ZRANB3: variants seen among roughly 807,000 people sequenced by gnomAD.
ZRANB3 encodes zinc finger RANBP2-type containing 3, also known as DNA annealing helicase and endonuclease ZRANB3.
ZRANB3 carries 125 observed loss-of-function variants against 133.8 expected under a neutral mutation model. The observed-to-expected ratio is 0.93, with a 90% CI of 0.81 to 1.08. The LOEUF (loss-of-function observed/expected upper bound fraction) is 1.08. Among genes scored for constraint, ZRANB3 ranks in the 50% least tolerant of loss-of-function variants. The pLI is 0.00. For missense variants in ZRANB3, 1,229 were observed against 1,275.5 expected, an observed-to-expected ratio of 0.96 and a Z score of 0.56; for synonymous variants, 387 against 432.7, an observed-to-expected ratio of 0.89 and a Z score of 1.31.
intron 2 of ZRANB3, among the ~76,000 whole-genome samples, chr2:135,482,673 G>C (rs997392490): frequency 7.9e-5 from 12 of 152,204 alleles, no homozygotes; most frequent in African/African-American, 2.9e-4. Flanking sequence ...AATGGTGAGA[G>C]AGGGCATCCC....
At chr2:135,222,608 T>C (rs1243258116) in intron 15 of ZRANB3, among the ~76,000 whole-genome samples, 1 of 152,054 alleles carries the variant, frequency 6.6e-6, no homozygotes, top group Non-Finnish European at 1.5e-5. Flanking sequence ...TGAAATGCTA[T>C]CTCAACAAAC....
At chr2:135,365,080 T>C (rs927408170) in intron 3 of ZRANB3, among the ~76,000 whole-genome samples, 5 of 150,662 alleles carry the variant, frequency 3.3e-5, no homozygotes, top group African/African-American at 1.2e-4. Flanking sequence ...TAAAAATAAA[T>C]AATAAATAAA....
At chr2:135,247,338 T>C (rs1377191500) in intron 12 of ZRANB3, among the ~76,000 whole-genome samples, 1 of 152,176 alleles carries the variant, frequency 6.6e-6, no homozygotes, top group East Asian at 1.9e-4. Context: ...ATTTAAATTA[T>C]TCTAAGAAAG....
chr2:135,278,008 T>A (rs926677511), intron 8 of ZRANB3, among the ~76,000 whole-genome samples: 1 of 149,066 alleles, frequency 6.7e-6, no homozygotes, highest in East Asian at 1.9e-4. Flanking sequence ...TATGAAAATA[T>A]ATGAATAATA....
At chr2:135,512,399 C>T (rs1008902681) in intron 1 of ZRANB3, among the ~76,000 whole-genome samples, 4 of 150,516 alleles carry the variant, frequency 2.7e-5, no homozygotes, top group Admixed American at 6.6e-5. Context: ...AAGTAAATGG[C>T]GGGTCAGGAC....
chr2:135,522,596 T>G (rs915788965), intron 1 of ZRANB3, among the ~76,000 whole-genome samples: 1 of 152,046 alleles, frequency 6.6e-6, no homozygotes, highest in African/African-American at 2.4e-5. Flanking sequence ...GGTCAGGAGT[T>G]CAAGACCAGC....
chr2:135,262,159 C>CAAAAAAAAAAAA (rs755264566), intron 12 of ZRANB3, among the ~76,000 whole-genome samples: 3 of 63,960 alleles, frequency 4.7e-5, no homozygotes, highest in East Asian at 3.9e-4. Context: ...ACTCCATCTC[C>CAAAAAAAAAAAA]AAAAAAAAAA....
chr2:135,287,852 C>T (rs1355286087), intron 8 of ZRANB3, among the ~76,000 whole-genome samples: 1 of 151,940 alleles, frequency 6.6e-6, no homozygotes, highest in Non-Finnish European at 1.5e-5. Context: ...TTAGGGTTTT[C>T]TGGGTATACG....
At chr2:135,294,015 T>G (rs1681900782) in intron 8 of ZRANB3, among the ~76,000 whole-genome samples, 2 of 152,286 alleles carry the variant, frequency 1.3e-5, no homozygotes, top group South Asian at 4.2e-4. Context: ...TTATTGAGGA[T>G]TTTTGCATCA....
intron 8 of ZRANB3, among the ~76,000 whole-genome samples, chr2:135,302,922 C>T (rs1682506522): frequency 6.6e-6 from 1 of 151,838 alleles, no homozygotes; most frequent in African/African-American, 2.4e-5. Context: ...GTATTATATA[C>T]AAAGAAAGCT....
Position 135,230,493 on chromosome 2 carries a change from G to A in ZRANB3, c.1954+20C>T, listed in dbSNP as rs1694951481. 2 of 1,471,604 alleles carry A rather than the reference G, an allele frequency of 1.4e-6. No individual in the cohort carries two copies. Among genetic ancestry groups the A allele is most frequent in the East Asian group, 2.4e-5 (1 of 41,934 alleles). The allele number at this position is 1,471,604 out of a possible 1,614,324, so 91.2% of individuals were successfully genotyped here. On this transcript the variant is annotated intron_variant, in intron 13 of 20. Transcript: ENST00000264159. The stretch of plus-strand genomic sequence containing the variant: ...ACCACTAACAGCCCTTACCTCCATG[G>A]TCACCTTCTATATACTCACCAGCAC...
At position 135,227,871 on chromosome 2, in the gene ZRANB3, C is replaced by T; in HGVS notation, c.2099G>A (p.Ser700Asn). 2 of 1,575,060 alleles carry T rather than the reference C, an allele frequency of 1.3e-6. No homozygotes were observed. The highest frequency in any genetic ancestry group is 1.7e-4 in the Middle Eastern group (1 of 6,018). Residue 700 changes from serine to asparagine, a missense_variant, in exon 14 of 21, where the codon AGC becomes AAC. Ser to Asn is a conservative substitution (Grantham distance 46, BLOSUM62 1). Transcript: ENST00000264159. ...CTCAATTTTTGGTGTTTCTTCCTTGCTGTCAGCCAACTGGCCAGGTTCTGA... is the reference window on the plus strand; with the variant it reads ...CTCAATTTTTGGTGTTTCTTCCTTGTTGTCAGCCAACTGGCCAGGTTCTGA... ...AQSEPGQLAD[S>N]KEETPKIEKE...
chr2:135,444,988 T>C (rs567073666), intron 2 of ZRANB3, among the ~76,000 whole-genome samples: 2 of 152,264 alleles, frequency 1.3e-5, no homozygotes, highest in African/African-American at 4.8e-5. Context: ...TTTGGTGTTA[T>C]GGTTAGCATG....
chr2:135,446,145 G>A (rs1215151796), intron 2 of ZRANB3, among the ~76,000 whole-genome samples: 1 of 151,426 alleles, frequency 6.6e-6, no homozygotes. Flanking sequence ...GGCAGAGGTT[G>A]CAGTGAGCTG....
chr2:135,455,784 C>T lies in ZRANB3; in HGVS notation c.161+48545G>A, dbSNP rs190729939. On this transcript the variant is annotated intron_variant, in intron 2 of 20. Coordinates refer to ENST00000264159, the MANE Select transcript of ZRANB3 (RefSeq NM_032143.4). ...TTTCTTTTTGAATTTTTAGTAGAGA[C>T]GGGGTTTCACCGTGTTAGCCAGGAT... 2.6e-3 allele frequency among the ~76,000 whole-genome samples: 390 copies of T among 151,250 alleles called. 2 individuals are homozygous for T. The highest frequency in any genetic ancestry group is 8.9e-3 in the African/African-American group (366 of 41,214).
chr2:135,205,114 T>G lies in ZRANB3; in HGVS notation c.3010-2151A>C, dbSNP rs995669170. On this transcript the variant is annotated intron_variant, in intron 19 of 20. Coordinates refer to ENST00000264159, the MANE Select transcript of ZRANB3 (RefSeq NM_032143.4). Reference sequence around the variant, plus strand: ...CTCTCAGAGACATGCTAATTCATCTTTGCAGAAATGCCGATTAATTCATTC... The same window carrying G: ...CTCTCAGAGACATGCTAATTCATCTGTGCAGAAATGCCGATTAATTCATTC... 1.1e-3 allele frequency among the ~76,000 whole-genome samples: 165 copies of G among 152,286 alleles called. 1 individual carries two copies. The highest frequency in any genetic ancestry group is 3.9e-3 in the African/African-American group (160 of 41,552).
At chr2:135,507,321 T>C (rs1162925768) in intron 1 of ZRANB3, among the ~76,000 whole-genome samples, 1 of 152,188 alleles carries the variant, frequency 6.6e-6, no homozygotes, top group Admixed American at 6.5e-5. Flanking sequence ...CTTGAAAATA[T>C]ATGAGTCTGA....
At position 135,511,953 on chromosome 2, in the gene ZRANB3, C is replaced by A; in HGVS notation, c.-7-7457G>T. 3 of 739,606 alleles carry A rather than the reference C, an allele frequency of 4.1e-6. No homozygotes were observed. The South Asian group carries it at 4.3e-5, about 11-fold the overall frequency. The allele number at this position is 739,606 out of a possible 1,614,324, so 45.8% of individuals were successfully genotyped here. A position where few individuals can be genotyped will look rare whatever the true frequency, so the allele number is the denominator to read the frequency against. ...CCTTCTCCATCACCATTGCTTTGGT[C>A]AATTCAAACTGAGGGGAAAAAGTCA... On this transcript the variant is annotated intron_variant, in intron 1 of 20. Transcript: ENST00000264159.
intron 8 of ZRANB3, among the ~76,000 whole-genome samples, chr2:135,306,869 C>T (rs902856131): frequency 6.6e-6 from 1 of 151,990 alleles, no homozygotes; most frequent in Non-Finnish European, 1.5e-5. Context: ...GCGTTACAGG[C>T]ATCAGCCACT....
Sources: allele counts gnomAD v4.1 joint callset (sites outside exome capture counted in the v4.1 genomes callset), GRCh38; gene constraint gnomAD v4.1.1; transcripts MANE v1.5; gene names NCBI Gene and HGNC (gene_info 2026-07-23, HGNC 2026-07-21).